SRRM2: variants seen among roughly 807,000 people sequenced by gnomAD.
The protein encoded by SRRM2 is serine/arginine repetitive matrix protein 2.
A neutral mutation model predicts 213.8 loss-of-function variants in SRRM2; 30 were observed. The observed-to-expected ratio is 0.14, with a 90% CI of 0.10 to 0.19. The LOEUF is 0.19. Ranked by LOEUF, SRRM2 falls within the 10% of genes least tolerant of loss-of-function variation. SRRM2 has a pLI of 1.00. For missense variants in SRRM2, 4,904 were observed against 3,647.0 expected (o/e 1.34, Z -8.88); for synonymous variants, 2,025 against 1,377.7 (o/e 1.47, Z -10.40).
Position 2,768,120 on chromosome 16 carries a change from G to A in SRRM2, c.7592G>A (p.Arg2531Gln), listed in dbSNP as rs770658529. Residue 2531 changes from arginine (R) to glutamine (Q), a missense_variant, in exon 11 of 15, where the codon CGG becomes CAG. Coordinates refer to ENST00000301740, the MANE Select transcript of SRRM2 (RefSeq NM_016333.4). Reference protein sequence around the residue: ...LAALQPAKERRSSSSSSSSSS... With the variant: ...LAALQPAKERQSSSSSSSSSS... ...GCCCTGCAGCCAGCAAAGGAGCGGC[G>A]GAGTTCCTCCTCGTCGTCGTCGTCC... 1.6e-5 allele frequency: 26 copies of A among 1,614,004 alleles called. No homozygotes were observed. In the South Asian group the frequency reaches 2.1e-4, roughly 13 times the overall value.
In SRRM2 at chr16:2,759,608, C is replaced by A; in HGVS notation, c.780C>A (p.Ala260=). 1.2e-6 allele frequency: 2 copies of A among 1,614,070 alleles called. No homozygotes were observed. Among genetic ancestry groups the A allele is most frequent in the Non-Finnish European group, 1.7e-6 (2 of 1,179,992 alleles). The change falls in exon 9 of 15, where the codon GCC becomes GCA. Residue 260 remains alanine (A), a synonymous_variant. Transcript: ENST00000301740. ...CACCAGCCCCCAAGAGCCGCCGGGC[C>A]CACCGTTCAACTTCTGCTGACTCTG... ...STTPAPKSRR[A]HRSTSADSAS...
chr16:2,762,442 A>G lies in SRRM2; in HGVS notation c.1914A>G (p.Arg638=), dbSNP rs1326546374. ...CAGTACGACGCAGGTCTCGTAGTAG[A>G]TCACCAGCCAGGAGAAGTGGCAGGT... ...RSPVRRRSRS[R]SPARRSGRSR... The change falls in exon 11 of 15, where the codon AGA becomes AGG. Residue 638 remains arginine (R), a synonymous_variant. Coordinates refer to ENST00000301740, the MANE Select transcript of SRRM2 (RefSeq NM_016333.4). The G allele has an allele frequency of 2.5e-6, 4 of 1,613,890 alleles. No homozygotes were observed. In the Admixed American group the frequency reaches 5.0e-5, roughly 20 times the overall value.
Position 2,763,765 on chromosome 16 carries a change from T to A in SRRM2, c.3237T>A (p.Ser1079Arg), listed in dbSNP as rs1356910791. 3.1e-6 allele frequency: 5 copies of A among 1,614,004 alleles called. No individual in the cohort carries two copies. ...SDTSSPEVRQSHSESPSLQSK... is the reference protein window; with the variant it reads ...SDTSSPEVRQRHSESPSLQSK... The stretch of plus-strand genomic sequence containing the variant: ...CTTCAAGTCCAGAAGTGAGACAGAG[T>A]CATTCAGAATCACCATCTCTGCAGA... Residue 1079 changes from serine (S) to arginine (R), a missense_variant, in exon 11 of 15, where the codon AGT becomes AGA. Transcript: ENST00000301740.
Position 2,766,376 on chromosome 16 carries a change from ACTC to A in SRRM2, c.5850_5852del (p.Pro1952del). ...AACACGCCGCCGCTCCCGTTCTAGA[ACTC>A]CACCAGTGACTCGCAGAAGGTCCAG... On this transcript the variant is annotated inframe_deletion, in exon 11 of 15. Transcript: ENST00000301740. The surrounding 1 kb of genome is among the most constrained non-coding windows in gnomAD (Gnocchi z 7.0). The A allele has an allele frequency of 6.2e-7, 1 of 1,614,020 alleles. No homozygotes were observed. Among genetic ancestry groups the A allele is most frequent in the African/African-American group, 1.3e-5 (1 of 74,986 alleles).
chr16:2,759,126 C>CT lies in SRRM2; in HGVS notation c.657-8dup, dbSNP rs765627602. On this transcript the variant is annotated splice_polypyrimidine_tract_variant and intron_variant, in intron 6 of 14. Transcript: ENST00000301740. ...AGGTGTTTCTTATGTTTTTTCTTCT[C>CT]TTTTTTCCAACAGGTCAGAATCTGA... 1.2e-4 allele frequency: 195 copies of CT among 1,613,954 alleles called. No individual in the cohort carries two copies. The highest frequency in any genetic ancestry group is 1.6e-4 in the Non-Finnish European group (191 of 1,180,012).
chr16:2,756,838 G>A (rs935832528), intron 2 of SRRM2, among the ~76,000 whole-genome samples: 4 of 152,142 alleles, frequency 2.6e-5, no homozygotes, highest in African/African-American at 9.7e-5. Flanking sequence ...CTAAATGGAG[G>A]CACGTGGGAG....
intron 2 of SRRM2, 22 bp from the exon 3 acceptor site, chr16:2,757,450 C>T: frequency 1.2e-6 from 2 of 1,610,516 alleles, no homozygotes; most frequent in African/African-American, 1.3e-5. Flanking sequence ...CGAGCTTAAC[C>T]CTGAAGGGAT....
chr16:2,762,410 C>A lies in SRRM2; in HGVS notation c.1882C>A (p.Arg628=), dbSNP rs1464581573. ...ACCTGCTAGGCGCAGATCTAGGACC[C>A]GATCACCAGTACGACGCAGGTCTCG... The part of the protein sequence containing the change: ...RTPARRRSRT[R]SPVRRRSRSR... The change falls in exon 11 of 15, where the codon CGA becomes AGA. Residue 628 remains arginine (R), a synonymous_variant. Coordinates refer to ENST00000301740, the MANE Select transcript of SRRM2 (RefSeq NM_016333.4). 3.1e-6 allele frequency: 5 copies of A among 1,614,008 alleles called. No homozygotes were observed. The East Asian group carries it at 6.7e-5, about 22-fold the overall frequency.
Position 2,766,834 on chromosome 16 carries a change from A to C in SRRM2, c.6306A>C (p.Ser2102=). The C allele has an allele frequency of 6.2e-7, 1 of 1,614,128 alleles. No individual in the cohort carries two copies. Among genetic ancestry groups the C allele is most frequent in the Non-Finnish European group, 8.5e-7 (1 of 1,180,022 alleles). Residue 2102 remains serine (S), a synonymous_variant, in exon 11 of 15, where the codon TCA becomes TCC. Coordinates refer to ENST00000301740, the MANE Select transcript of SRRM2 (RefSeq NM_016333.4). This position sits in a 1 kb window ranked among gnomAD's most constrained non-coding sequence, Gnocchi z 7.0. ...CAGCAACAAGAAATCATTCTGGTTC[A>C]CGGACACCTCCAGTAGCACTCAACA... ...TPPATRNHSG[S]RTPPVALNSS...
rs11551731 is a variant in SRRM2, at chr16:2,771,023, C to A, written c.*156C>A. 8 of 620,754 alleles carry A rather than the reference C, an allele frequency of 1.3e-5. No homozygotes were observed. The highest frequency in any genetic ancestry group is 1.9e-5 in the Non-Finnish European group (8 of 422,628). The allele number at this position is 620,754 out of a possible 1,614,324, so 38.5% of individuals were successfully genotyped here. The stretch of plus-strand genomic sequence containing the variant: ...TCCCTTTCCCTCCCCTTTTTTTTTT[C>A]TTTGTTCCTGTGAAATGTTAATCTC... On this transcript the variant is annotated 3_prime_UTR_variant, in exon 15 of 15. Coordinates refer to ENST00000301740, the MANE Select transcript of SRRM2 (RefSeq NM_016333.4).
chr16:2,766,655 C>G lies in SRRM2; in HGVS notation c.6127C>G (p.Arg2043Gly), dbSNP rs747576963. ...GCCACTGTTACCACGCAAACGTTCT[C>G]GAAGTCGCTCACCACTTGCTATCCG... Reference protein sequence around the residue: ...RTPLLPRKRSRSRSPLAIRRR... With the variant: ...RTPLLPRKRSGSRSPLAIRRR... The change falls in exon 11 of 15, where the codon CGA becomes GGA. Residue 2043 changes from arginine (R) to glycine (G), a missense_variant. Transcript: ENST00000301740. The surrounding 1 kb of genome is among the most constrained non-coding windows in gnomAD (Gnocchi z 7.0). 28 of 1,613,398 alleles carry G rather than the reference C, an allele frequency of 1.7e-5. No homozygotes were observed. The highest frequency in any genetic ancestry group is 2.3e-5 in the Non-Finnish European group (27 of 1,179,824).
rs1159038723 is a variant in SRRM2, at chr16:2,768,254, C to T, written c.7726C>T (p.Leu2576=). The T allele has an allele frequency of 1.9e-6, 3 of 1,550,160 alleles. No individual in the cohort carries two copies. The highest frequency in any genetic ancestry group is 2.6e-6 in the Non-Finnish European group (3 of 1,149,860). The change falls in exon 11 of 15, where the codon CTG becomes TTG. Residue 2576 remains leucine, a synonymous_variant. Coordinates refer to ENST00000301740, the MANE Select transcript of SRRM2 (RefSeq NM_016333.4). ...SSLPVQPEVA[L]KRVPSPTPAP... is the part of the protein sequence containing the mutation. ...CCTTCCTGTGCAACCTGAGGTGGCA[C>T]TGAAGAGGTGAGGGAGCTTGACTTT... is the stretch of plus-strand genomic sequence containing the variant.
At chr16:2,755,688 G>A (rs1484795058) in intron 1 of SRRM2, among the ~76,000 whole-genome samples, 2 of 152,226 alleles carry the variant, frequency 1.3e-5, no homozygotes, top group East Asian at 1.9e-4. Flanking sequence ...AGGTTCATGT[G>A]TGTTTCTGAT....
At chr16:2,753,095 C>G (rs932040581) in intron 1 of SRRM2, among the ~76,000 whole-genome samples, 4 of 150,862 alleles carry the variant, frequency 2.7e-5, no homozygotes, top group Non-Finnish European at 4.4e-5. Flanking sequence ...CTCGGGTTCG[C>G]GAGCGCCCTT....
At position 2,770,957 on chromosome 16, in the gene SRRM2, T is replaced by C; in HGVS notation, c.*90T>C. 1.9e-6 allele frequency: 3 copies of C among 1,554,178 alleles called. No individual in the cohort carries two copies. The highest frequency in any genetic ancestry group is 2.6e-6 in the Non-Finnish European group (3 of 1,134,280). On this transcript the variant is annotated 3_prime_UTR_variant, in exon 15 of 15. Coordinates refer to ENST00000301740, the MANE Select transcript of SRRM2 (RefSeq NM_016333.4). ...CAGCAGAGCCGTGGGAGGGTCCTTG[T>C]CTGCTCTCCTTTGAACCTTGGCAGC...
chr16:2,766,179 G>A lies in SRRM2; in HGVS notation c.5651G>A (p.Ser1884Asn), dbSNP rs1596287107. 1.9e-6 allele frequency: 3 copies of A among 1,614,160 alleles called. No homozygotes were observed. Among genetic ancestry groups the A allele is most frequent in the Non-Finnish European group, 2.5e-6 (3 of 1,180,036 alleles). ...RRSRSRTPLI[S>N]RRRSRSRTSP... Reference sequence around the variant, plus strand: ...TCCAGGTCCAGAACCCCCCTGATAAGCCGACGTAGGTCCAGATCTCGAACT... The same window carrying A: ...TCCAGGTCCAGAACCCCCCTGATAAACCGACGTAGGTCCAGATCTCGAACT... The change falls in exon 11 of 15, where the codon AGC (serine) becomes AAC (asparagine). Residue 1884 changes from serine to asparagine, a missense_variant. Ser to Asn is a conservative substitution (Grantham distance 46, BLOSUM62 1). Transcript: ENST00000301740. This position sits in a 1 kb window ranked among gnomAD's most constrained non-coding sequence, Gnocchi z 7.0.
rs760667876 is a variant in SRRM2, at chr16:2,770,470, G to A, written c.8135+5G>A. 6.2e-7 allele frequency: 1 copy of A among 1,603,386 alleles called. No homozygotes were observed. Among genetic ancestry groups the A allele is most frequent in the East Asian group, 2.3e-5 (1 of 44,442 alleles). ...CTCACCACGGGACCAGCAGAGGTAA[G>A]GCCAACTGCAGGTGTCAGCACCCAG... is the stretch of plus-strand genomic sequence containing the variant. On this transcript the variant is annotated splice_donor_5th_base_variant and intron_variant, in intron 13 of 14. Coordinates refer to ENST00000301740, the MANE Select transcript of SRRM2 (RefSeq NM_016333.4).
At position 2,759,644 on chromosome 16, in the gene SRRM2, C is replaced by T. The variant is rs371659656; in HGVS notation, c.816C>T (p.Ser272=). The change falls in exon 9 of 15, where the codon TCC becomes TCT. Residue 272 remains serine, a synonymous_variant. Transcript: ENST00000301740. ...CTTCTGCTGACTCTGCTTCCTCCTC[C>T]GATACTTCCCGCAGTCGGTAAGGGG... ...RSTSADSASS[S]DTSRSRSRSA... The T allele has an allele frequency of 1.5e-4, 242 of 1,613,924 alleles. No homozygotes were observed. Among genetic ancestry groups the T allele is most frequent in the Middle Eastern group, 8.3e-4 (5 of 6,058 alleles).
chr16:2,756,254 G>C, intron 1 of SRRM2, 80 bp from the exon 2 acceptor site: 1 of 1,279,210 alleles, frequency 7.8e-7, no homozygotes, highest in Non-Finnish European at 1.0e-6. Flanking sequence ...GGATGAAGGA[G>C]AGCAGGGACT....
Sources: gnomAD v4.1 joint callset for allele counts (sites outside exome capture counted in the v4.1 genomes callset) on GRCh38, gnomAD v4.1.1 for gene constraint, Gnocchi (gnomAD v3.1) non-coding constraint, MANE v1.5 for transcripts, NCBI Gene and HGNC (gene_info 2026-07-23, HGNC 2026-07-21) for gene names.